The following CALN1 variants were observed in gnomAD, a reference collection of about 807,000 sequenced individuals.
The protein encoded by CALN1 is calcium-binding protein 8.
Under a neutral mutation model 30.6 loss-of-function variants are expected in CALN1, and 17 were observed. The ratio of observed to expected loss-of-function variants is 0.56; its 90% CI spans 0.38 to 0.83. The LOEUF (loss-of-function observed/expected upper bound fraction) is 0.83. Among genes scored for constraint, CALN1 ranks in the 40% least tolerant of loss-of-function variants. The pLI is 0.00. For missense variants in CALN1, 291 were observed against 354.9 expected (o/e 0.82, Z 1.45); for synonymous variants, 156 against 131.4 (o/e 1.19, Z -1.28).
chr7:72,318,914 T>C (rs2129557092), intron 2 of CALN1, among the ~76,000 whole-genome samples: 1 of 151,844 alleles, frequency 6.6e-6, no homozygotes, highest in African/African-American at 2.4e-5. Context: ...AGAATGTTTA[T>C]ACACTATTAG....
chr7:71,937,236 G>C (rs1245140611), intron 5 of CALN1, among the ~76,000 whole-genome samples: 1 of 151,920 alleles, frequency 6.6e-6, no homozygotes, highest in Non-Finnish European at 1.5e-5. Context: ...CTTGAACCCG[G>C]GAGACAGAGG....
chr7:71,877,306 C>A (rs1431167763), intron 5 of CALN1, among the ~76,000 whole-genome samples: 1 of 152,062 alleles, frequency 6.6e-6, no homozygotes, highest in Non-Finnish European at 1.5e-5. Context: ...AGGAACTAGA[C>A]CGGTGCATTT....
chr7:72,033,265 A>C (rs375410550), intron 4 of CALN1, among the ~76,000 whole-genome samples: 107 of 152,336 alleles, frequency 7.0e-4, no homozygotes, highest in African/African-American at 2.4e-3. Context: ...AATTCTCATA[A>C]GGAGGTAAAA....
chr7:72,027,634 C>T (rs1001519312), intron 4 of CALN1, among the ~76,000 whole-genome samples: 4 of 151,422 alleles, frequency 2.6e-5, no homozygotes, highest in African/African-American at 9.7e-5. Context: ...TCACTTGAGC[C>T]TGGGAGGCAG....
Position 72,336,326 on chromosome 7 carries a change from T to A in CALN1, c.120-57516A>T, listed in dbSNP as rs574566069. On this transcript the variant is annotated intron_variant, in intron 2 of 6. Coordinates refer to ENST00000395275, the MANE Select transcript of CALN1 (RefSeq NM_031468.4). ...CCTCCCTCCCCATCGCCCGGGCGCC[T>A]GCGGGCGGGGGCGCGCAGCCTGGTG... 4.7e-3 allele frequency among the ~76,000 whole-genome samples: 711 copies of A among 152,110 alleles called. 5 individuals carry two copies. Among genetic ancestry groups the A allele is most frequent in the African/African-American group, 0.016 (684 of 41,532 alleles).
At chr7:72,101,590 A>C (rs1229574101) in intron 4 of CALN1, among the ~76,000 whole-genome samples, 4 of 152,106 alleles carry the variant, frequency 2.6e-5, no homozygotes, top group Admixed American at 2.6e-4. Flanking sequence ...CCAGAAAATA[A>C]ATGTCTACAG....
intron 2 of CALN1, among the ~76,000 whole-genome samples, chr7:72,286,988 G>C (rs1798124574): frequency 6.6e-6 from 1 of 152,154 alleles, no homozygotes; most frequent in South Asian, 2.1e-4. Context: ...AGCCGGTTTG[G>C]AAAAGGTGCA....
chr7:72,263,444 G>A (rs1233360033), intron 3 of CALN1, among the ~76,000 whole-genome samples: 2 of 151,902 alleles, frequency 1.3e-5, no homozygotes, highest in South Asian at 4.2e-4. Context: ...CATCCAAGCT[G>A]GAGTTCAATG....
Position 72,310,793 on chromosome 7 carries a change from C to G in CALN1, c.120-31983G>C, listed in dbSNP as rs192460626. Among the ~76,000 whole-genome samples the G allele has an allele frequency of 4.9e-3, 748 of 151,498 alleles. 4 individuals carry two copies. Among genetic ancestry groups the G allele is most frequent in the African/African-American group, 0.017 (709 of 41,304 alleles). On this transcript the variant is annotated intron_variant, in intron 2 of 6. Coordinates refer to ENST00000395275, the MANE Select transcript of CALN1 (RefSeq NM_031468.4). ...TGGTGGGCACCTGTAATCCCAGCAA[C>G]TCAGGAGGCTGAGGCAGGAGAATCA... is the stretch of plus-strand genomic sequence containing the variant.
chr7:72,349,232 T>A (rs1802796003), intron 2 of CALN1, among the ~76,000 whole-genome samples: 1 of 151,970 alleles, frequency 6.6e-6, no homozygotes, highest in South Asian at 2.1e-4. Flanking sequence ...ATATGTTCGA[T>A]TTTAATACCT....
intron 5 of CALN1, among the ~76,000 whole-genome samples, chr7:71,872,869 C>T (rs1382597486): frequency 6.6e-6 from 1 of 151,992 alleles, no homozygotes. Flanking sequence ...CCGCCTTAGC[C>T]TTCCAAAGTG....
At chr7:72,451,213 AGG>A (rs1407810955), upstream of CALN1, among the ~76,000 whole-genome samples, 298 of 114,406 alleles carry the variant, frequency 2.6e-3, no homozygotes, top group Non-Finnish European at 3.3e-3. Context: ...AAGAAGAAGG[AGG>A]AGGAGGAGGA....
intron 6 of CALN1, among the ~76,000 whole-genome samples, chr7:71,799,441 A>AG (rs1215833684): frequency 1.2e-4 from 16 of 138,424 alleles, no homozygotes; most frequent in African/African-American, 4.5e-4. Context: ...TTATTTATTT[A>AG]TTTATTTATT....
chr7:72,017,482 T>C (rs560644416), intron 5 of CALN1, among the ~76,000 whole-genome samples: 4 of 152,270 alleles, frequency 2.6e-5, no homozygotes, highest in African/African-American at 9.6e-5. Context: ...TAGGGTAATT[T>C]ACAATGTCTT....
intron 5 of CALN1, among the ~76,000 whole-genome samples, chr7:71,836,523 T>C (rs1036358291): frequency 2.6e-5 from 4 of 152,118 alleles, no homozygotes; most frequent in Non-Finnish European, 5.9e-5. Context: ...AAGGGACTTA[T>C]CTGTATTCCA....
chr7:72,431,645 C>A (rs1159214461), intron 1 of CALN1, among the ~76,000 whole-genome samples: 2 of 152,088 alleles, frequency 1.3e-5, no homozygotes, highest in African/African-American at 4.8e-5. Context: ...TCGAGACCAG[C>A]CTGGGTAGCA....
chr7:71,880,745 C>T (rs1259204420), intron 5 of CALN1, among the ~76,000 whole-genome samples: 1 of 152,196 alleles, frequency 6.6e-6, no homozygotes, highest in African/African-American at 2.4e-5. Flanking sequence ...AATCCCCAGA[C>T]TCTTCCCTCC....
intron 2 of CALN1, among the ~76,000 whole-genome samples, chr7:72,319,685 A>C (rs1800735784): frequency 6.6e-6 from 1 of 152,212 alleles, no homozygotes; most frequent in Non-Finnish European, 1.5e-5. Context: ...ACAATATACT[A>C]TGTTAACAAA....
chr7:72,305,762 T>C (rs1799603577), intron 2 of CALN1, among the ~76,000 whole-genome samples: 1 of 152,210 alleles, frequency 6.6e-6, no homozygotes, highest in Non-Finnish European at 1.5e-5. Flanking sequence ...CAACAGAAAT[T>C]AATTTTCTTA....
Sources: gnomAD v4.1 joint callset for allele counts (sites outside exome capture counted in the v4.1 genomes callset) on GRCh38, gnomAD v4.1.1 for gene constraint, MANE v1.5 for transcripts, NCBI Gene and HGNC (gene_info 2026-07-23, HGNC 2026-07-21) for gene names.